The following SPINK9 variants were observed in gnomAD, a reference collection of about 807,000 sequenced individuals.
SPINK9 encodes the protein serine peptidase inhibitor Kazal type 9.
Under a neutral mutation model 10.8 loss-of-function variants are expected in SPINK9, and 3 were observed. That is an observed-to-expected ratio of 0.28 (90% CI 0.13 to 0.72). SPINK9 has a LOEUF of 0.72. Ranked by LOEUF, SPINK9 falls within the 30% of genes least tolerant of loss-of-function variation. SPINK9 has a pLI of 0.74. For synonymous variants in SPINK9, 30 were observed against 31.2 expected, an observed-to-expected ratio of 0.96 and a Z score of 0.12; for missense variants, 101 against 103.2, an observed-to-expected ratio of 0.98 and a Z score of 0.09.
In SPINK9 at chr5:148,322,591, A is replaced by G. The variant is rs766348803; in HGVS notation, c.-72-1088A>G. On this transcript the variant is annotated intron_variant, in intron 1 of 4. Coordinates refer to the SPINK9 transcript ENST00000511717. ...TACTATTTCCAGAGTTTTATCCACT[A>G]TATCTTATGATACCTGGAAATCAAA... 2.0e-4 allele frequency among the ~76,000 whole-genome samples: 30 copies of G among 152,188 alleles called. 1 individual carries two copies. The highest frequency in any genetic ancestry group is 1.5e-5 in the Non-Finnish European group (1 of 68,022).
upstream of SPINK9, among the ~76,000 whole-genome samples, chr5:148,333,723 C>T (rs531344493): frequency 5.5e-4 from 84 of 152,252 alleles, no homozygotes; most frequent in African/African-American, 1.9e-3. Context: ...TTCCAGTGTC[C>T]AAGCTCTGCC....
chr5:148,335,709 T>C (rs779973226), intron 1 of SPINK9, 41 bp downstream of exon 1: 1 of 1,597,352 alleles, frequency 6.3e-7, no homozygotes, highest in Non-Finnish European at 8.6e-7. Context: ...CTTGTACTAA[T>C]AGCTCATGCA....
chr5:148,327,461 T>C (rs2113412977), intron 2 of SPINK9, among the ~76,000 whole-genome samples: 1 of 152,310 alleles, frequency 6.6e-6, no homozygotes. Flanking sequence ...AGGTTGCCTG[T>C]TCACTCTGAT....
chr5:148,328,772 T>C (rs1382860992), intron 2 of SPINK9, among the ~76,000 whole-genome samples: 8 of 152,354 alleles, frequency 5.3e-5, no homozygotes, highest in South Asian at 2.1e-4. Flanking sequence ...ATGTGGTTTT[T>C]GTCTTTGGTT....
chr5:148,330,988 C>A (rs1045187789), upstream of SPINK9, among the ~76,000 whole-genome samples: 2 of 152,212 alleles, frequency 1.3e-5, no homozygotes, highest in South Asian at 4.1e-4. Context: ...CCATCTGTCA[C>A]CCCTTTCTTT....
At chr5:148,332,485 G>A (rs1005081979), upstream of SPINK9, among the ~76,000 whole-genome samples, 16 of 152,350 alleles carry the variant, frequency 1.1e-4, no homozygotes, top group African/African-American at 3.8e-4. Context: ...TCTAGGATCT[G>A]TGCTAGATGA....
At chr5:148,337,947 A>G (rs1422967) in intron 2 of SPINK9, among the ~76,000 whole-genome samples, 4,991 of 152,218 alleles carry the variant, frequency 0.033, 275 homozygotes, top group African/African-American at 0.11. Flanking sequence ...CAACTACAAT[A>G]TTAAGATATA....
intron 2 of SPINK9, among the ~76,000 whole-genome samples, chr5:148,336,685 T>G (rs748789967): frequency 3.9e-5 from 6 of 152,230 alleles, no homozygotes; most frequent in Non-Finnish European, 7.3e-5. Context: ...TTCCACGTTT[T>G]TGATCACGTG....
chr5:148,333,621 A>G (rs1252352114), upstream of SPINK9, among the ~76,000 whole-genome samples: 5 of 152,194 alleles, frequency 3.3e-5, no homozygotes, highest in African/African-American at 4.8e-5. Flanking sequence ...GGGTGTTGCC[A>G]TGGCAATGGT....
At chr5:148,335,508 T>G (rs1267363993), upstream of SPINK9, 2 of 979,258 alleles carry the variant, frequency 2.0e-6, no homozygotes, top group African/African-American at 3.2e-5. Context: ...ATTTCACAAT[T>G]GAGGCAGGAA....
At chr5:148,330,283 C>A (rs1581187247) in intron 2 of SPINK9, among the ~76,000 whole-genome samples, 1 of 152,120 alleles carries the variant, frequency 6.6e-6, no homozygotes, top group Non-Finnish European at 1.5e-5. Context: ...CTCTTTTGAT[C>A]TTTGTTGATT....
At chr5:148,328,282 T>G (rs1324676621) in intron 2 of SPINK9, among the ~76,000 whole-genome samples, 1 of 152,098 alleles carries the variant, frequency 6.6e-6, no homozygotes, top group African/African-American at 2.4e-5. Context: ...TGAATGGGAG[T>G]TCACTCATGA....
chr5:148,327,937 C>T (rs1262858381), intron 2 of SPINK9, among the ~76,000 whole-genome samples: 3 of 151,800 alleles, frequency 2.0e-5, no homozygotes, highest in African/African-American at 7.2e-5. Context: ...AGTCAGGTAG[C>T]ATGATGCCTC....
exon 2 of SPINK9, chr5:148,323,726 G>A: frequency 1.5e-6 from 1 of 684,406 alleles, no homozygotes; most frequent in Admixed American, 2.1e-5. Context: ...GTCTCTCTGT[G>A]TGATCAATCA....
At chr5:148,325,754 T>C (rs1161374359) in intron 2 of SPINK9, among the ~76,000 whole-genome samples, 4 of 152,166 alleles carry the variant, frequency 2.6e-5, no homozygotes, top group Non-Finnish European at 5.9e-5. Flanking sequence ...TTACCTATTA[T>C]ATCTTTTGTC....
rs375725439 is a variant in SPINK9, at chr5:148,328,548, G to A, written c.118+4680G>A. 2.3e-4 allele frequency among the ~76,000 whole-genome samples: 35 copies of A among 152,300 alleles called. No individual in the cohort carries two copies. In the South Asian group the frequency reaches 6.8e-3, roughly 30 times the overall value. ...GAACTTCCAACACTATGTTGAATAG[G>A]AGTGGTGAGAGAGGGCATCCTTGTC... On this transcript the variant is annotated intron_variant, in intron 2 of 4. Transcript: ENST00000511717.
intron 2 of SPINK9, among the ~76,000 whole-genome samples, chr5:148,328,907 G>T (rs1001911823): frequency 2.0e-5 from 3 of 152,186 alleles, no homozygotes; most frequent in Non-Finnish European, 4.4e-5. Context: ...CGGTTTGCCA[G>T]TATTTTATTG....
intron 2 of SPINK9, among the ~76,000 whole-genome samples, chr5:148,337,403 G>A (rs1034124454): frequency 1.3e-5 from 2 of 152,168 alleles, no homozygotes; most frequent in African/African-American, 4.8e-5. Flanking sequence ...TATGGAAGCT[G>A]ATGAATGAAT....
chr5:148,335,475 A>G (rs920770309), upstream of SPINK9: 75 of 671,766 alleles, frequency 1.1e-4, 1 homozygote, highest in African/African-American at 1.1e-3. Context: ...CTCTTTCTGG[A>G]GTTGTACTAC....
Sources: gnomAD v4.1 joint callset for allele counts (sites outside exome capture counted in the v4.1 genomes callset) on GRCh38, gnomAD v4.1.1 for gene constraint, MANE v1.5 for transcripts, NCBI Gene and HGNC (gene_info 2026-07-23, HGNC 2026-07-21) for gene names.